ADAMTS17: variants seen among roughly 807,000 people sequenced by gnomAD.
The protein encoded by ADAMTS17 is A disintegrin and metalloproteinase with thrombospondin motifs 17.
A neutral mutation model predicts 141.5 loss-of-function variants in ADAMTS17; 113 were observed. The ratio of observed to expected loss-of-function variants is 0.80; its 90% CI spans 0.69 to 0.93. The LOEUF is 0.93. ADAMTS17 is among the 40% of genes least tolerant of loss of function. The probability of loss-of-function intolerance (pLI) is 0.00; values close to 1 mark genes in which losing one functional copy is unlikely to be tolerated. For missense variants in ADAMTS17, 1,659 were observed against 1,517.9 expected (o/e 1.09, Z -1.54); for synonymous variants, 768 against 630.6 (o/e 1.22, Z -3.27).
intron 2 of ADAMTS17, among the ~76,000 whole-genome samples, chr15:100,339,672 C>T (rs944365370): frequency 2.2e-5 from 2 of 92,998 alleles, no homozygotes; most frequent in Non-Finnish European, 2.3e-5. Flanking sequence ...GGTCCACATT[C>T]CCCGCCCCAG....
chr15:100,208,427 G>A (rs973036304), intron 7 of ADAMTS17, among the ~76,000 whole-genome samples: 5 of 152,282 alleles, frequency 3.3e-5, no homozygotes, highest in African/African-American at 9.6e-5. Flanking sequence ...TGGCTGGGAC[G>A]GGGCCCACCT....
intron 20 of ADAMTS17, among the ~76,000 whole-genome samples, chr15:99,986,858 G>A (rs1049962957): frequency 6.6e-6 from 1 of 152,172 alleles, no homozygotes; most frequent in Non-Finnish European, 1.5e-5. Flanking sequence ...ATTGTTTTCT[G>A]GAAAGAGCTA....
chr15:100,131,983 G>C, intron 12 of ADAMTS17, 24 bp downstream of exon 12: 1 of 1,614,190 alleles, frequency 6.2e-7, no homozygotes, highest in Non-Finnish European at 8.5e-7. Context: ...GGCACGTTGG[G>C]GTATGGCTGG....
At chr15:100,169,984 C>A (rs1484576702) in intron 8 of ADAMTS17, among the ~76,000 whole-genome samples, 1 of 152,106 alleles carries the variant, frequency 6.6e-6, no homozygotes. Flanking sequence ...TCCCGGACAC[C>A]TCCTAGTCTC....
chr15:100,225,388 C>A (rs754783957), intron 7 of ADAMTS17, among the ~76,000 whole-genome samples: 2 of 152,258 alleles, frequency 1.3e-5, no homozygotes, highest in Non-Finnish European at 2.9e-5. Flanking sequence ...GGGAGCTTCC[C>A]CGATGGTTCA....
intron 18 of ADAMTS17, among the ~76,000 whole-genome samples, chr15:100,035,262 G>A (rs764316257): frequency 1.3e-5 from 2 of 152,210 alleles, no homozygotes; most frequent in Non-Finnish European, 2.9e-5. Flanking sequence ...CAGCCTATGT[G>A]AGGTCTTTCT....
intron 18 of ADAMTS17, among the ~76,000 whole-genome samples, chr15:100,018,981 A>G (rs1251147763): frequency 6.6e-6 from 1 of 152,232 alleles, no homozygotes; most frequent in African/African-American, 2.4e-5. Context: ...CTAGGGATAC[A>G]GTTTCTTACA....
At chr15:100,220,000 T>C (rs546620491) in intron 7 of ADAMTS17, among the ~76,000 whole-genome samples, 1 of 152,278 alleles carries the variant, frequency 6.6e-6, no homozygotes, top group East Asian at 1.9e-4. Context: ...TTATTCCCAT[T>C]TTGCAGAGAA....
chr15:100,182,598 C>T (rs528376348), intron 8 of ADAMTS17, among the ~76,000 whole-genome samples: 6 of 152,306 alleles, frequency 3.9e-5, no homozygotes, highest in Admixed American at 6.5e-5. Flanking sequence ...ACTTCAATGC[C>T]TCCTTCAGTG....
intron 15 of ADAMTS17, among the ~76,000 whole-genome samples, chr15:100,067,489 G>A (rs532864706): frequency 7.2e-5 from 11 of 152,230 alleles, no homozygotes; most frequent in South Asian, 6.2e-4. Flanking sequence ...TACCTTTAAC[G>A]TCTAAGAACT....
At position 100,249,109 on chromosome 15, in the gene ADAMTS17, T is replaced by C. The variant is rs546623892; in HGVS notation, c.1075+5027A>G. On this transcript the variant is annotated intron_variant, in intron 7 of 21. Coordinates refer to ENST00000268070, the MANE Select transcript of ADAMTS17 (RefSeq NM_139057.4). Reference sequence around the variant, plus strand: ...CCACCACGCCTGGACCTGGTGTGACTTTTTGAAAGCATGCCCATTCATCTG... The same window carrying C: ...CCACCACGCCTGGACCTGGTGTGACCTTTTGAAAGCATGCCCATTCATCTG... 1.8e-4 allele frequency among the ~76,000 whole-genome samples: 27 copies of C among 152,264 alleles called. No individual in the cohort carries two copies. In the East Asian group the frequency reaches 4.8e-3, roughly 27 times the overall value.
At chr15:100,276,850 G>A (rs2044114683) in intron 4 of ADAMTS17, among the ~76,000 whole-genome samples, 1 of 152,178 alleles carries the variant, frequency 6.6e-6, no homozygotes, top group African/African-American at 2.4e-5. Flanking sequence ...GCCGCAGGCA[G>A]GAAAGAACTC....
chr15:100,124,658 G>A (rs1397230713), intron 12 of ADAMTS17, among the ~76,000 whole-genome samples: 3 of 152,230 alleles, frequency 2.0e-5, no homozygotes, highest in African/African-American at 7.2e-5. Context: ...ACACATGCTC[G>A]ACCGTGATGA....
intron 12 of ADAMTS17, among the ~76,000 whole-genome samples, chr15:100,119,737 T>A (rs1175166364): frequency 6.6e-6 from 1 of 152,240 alleles, no homozygotes; most frequent in African/African-American, 2.4e-5. Flanking sequence ...TCCCTCCACA[T>A]CTGCTTCTGC....
intron 10 of ADAMTS17, among the ~76,000 whole-genome samples, chr15:100,140,861 C>T (rs2038609038): frequency 6.6e-6 from 1 of 152,134 alleles, no homozygotes. Flanking sequence ...CAGCGACATG[C>T]CGTTCCCTCC....
chr15:100,044,267 T>C (rs948937971), intron 18 of ADAMTS17, among the ~76,000 whole-genome samples: 1 of 152,208 alleles, frequency 6.6e-6, no homozygotes, highest in African/African-American at 2.4e-5. Context: ...CCATTTTCTC[T>C]CTCCTCTCCT....
intron 14 of ADAMTS17, among the ~76,000 whole-genome samples, chr15:100,102,282 G>A (rs906801523): frequency 2.7e-5 from 4 of 149,304 alleles, no homozygotes; most frequent in Admixed American, 6.7e-5. Context: ...AAGCCCGACC[G>A]AAGGAGATCT....
chr15:100,146,068 G>A (rs374625672), intron 10 of ADAMTS17, among the ~76,000 whole-genome samples: 3 of 152,342 alleles, frequency 2.0e-5, no homozygotes, highest in African/African-American at 7.2e-5. Context: ...AGCTACTCGG[G>A]AGGCTGAGAC....
intron 3 of ADAMTS17, among the ~76,000 whole-genome samples, chr15:100,290,586 T>A (rs2044595982): frequency 6.6e-6 from 1 of 152,130 alleles, no homozygotes; most frequent in African/African-American, 2.4e-5. Context: ...GAAGGAGGCA[T>A]GACATTACCG....
Sources: gnomAD v4.1 joint callset for allele counts (sites outside exome capture counted in the v4.1 genomes callset) on GRCh38, gnomAD v4.1.1 for gene constraint, MANE v1.5 for transcripts, NCBI Gene and HGNC (gene_info 2026-07-23, HGNC 2026-07-21) for gene names.